Variants in CDH4 observed in about 807,000 individuals in gnomAD.
The protein encoded by CDH4 is cadherin 4.
Under a neutral mutation model 86.0 loss-of-function variants are expected in CDH4, and 33 were observed. The ratio of observed to expected loss-of-function variants is 0.38; its 90% CI spans 0.29 to 0.51. The LOEUF is 0.51. Among genes scored for constraint, CDH4 ranks in the 20% least tolerant of loss-of-function variants. The pLI is 0.86. For synonymous variants in CDH4, 555 were observed against 549.4 expected (o/e 1.01, Z -0.14); for missense variants, 1,114 against 1,307.4 (o/e 0.85, Z 2.28).
intron 2 of CDH4, among the ~76,000 whole-genome samples, chr20:61,426,044 C>A (rs1337801835): frequency 6.6e-6 from 1 of 152,214 alleles, no homozygotes; most frequent in Non-Finnish European, 1.5e-5. Flanking sequence ...TCTGGTGAGA[C>A]CACGGGGAGA....
chr20:61,370,319 AG>A (rs1176677923), intron 2 of CDH4: 1 of 152,384 alleles, frequency 6.6e-6, no homozygotes, highest in African/African-American at 2.4e-5. Flanking sequence ...CATGCCTTCA[AG>A]GAGCTCCCGG....
At chr20:61,574,495 C>A (rs923801698) in intron 2 of CDH4, among the ~76,000 whole-genome samples, 11 of 152,232 alleles carry the variant, frequency 7.2e-5, no homozygotes, top group Admixed American at 7.2e-4. Flanking sequence ...ACCCCCACCC[C>A]CCTTTCTCCT....
chr20:61,764,284 G>A (rs1568802567), intron 3 of CDH4, among the ~76,000 whole-genome samples: 3 of 152,340 alleles, frequency 2.0e-5, no homozygotes, highest in South Asian at 2.1e-4. Flanking sequence ...CGTGAACCCC[G>A]GGGCCACCGA....
rs1412415817 is a variant in CDH4, at chr20:61,641,836, G to A, written c.170-101727G>A. Among the ~76,000 whole-genome samples, 4 of 6,360 alleles carry A rather than the reference G, an allele frequency of 6.3e-4. 1 individual carries two copies. Among genetic ancestry groups the A allele is most frequent in the African/African-American group, 5.8e-3 (4 of 688 alleles). 4.2% of individuals were successfully genotyped at this position (6,360 alleles called of 152,430 possible). A position where few individuals can be genotyped will look rare whatever the true frequency, so the allele number is the denominator to read the frequency against. On this transcript the variant is annotated intron_variant, in intron 2 of 15. Transcript: ENST00000614565. ...CCACCAGGCACCACCAGGCACCACA[G>A]CACCCAGGACACCTACAGCTTTGGG...
At chr20:61,332,770 G>A (rs1451888471) in intron 2 of CDH4, among the ~76,000 whole-genome samples, 3 of 152,194 alleles carry the variant, frequency 2.0e-5, no homozygotes, top group Non-Finnish European at 2.9e-5. Flanking sequence ...TCGCTTCCTG[G>A]TGGGTGTTAC....
chr20:61,307,582 G>A (rs543648145), intron 2 of CDH4, among the ~76,000 whole-genome samples: 6 of 152,248 alleles, frequency 3.9e-5, no homozygotes, highest in African/African-American at 1.4e-4. Flanking sequence ...GCTGGACCTC[G>A]AAGAAGTCCC....
chr20:61,281,501 T>C (rs1368177469), intron 2 of CDH4, among the ~76,000 whole-genome samples: 1 of 152,200 alleles, frequency 6.6e-6, no homozygotes, highest in African/African-American at 2.4e-5. Context: ...AACCAGTGTC[T>C]GTTGTTTGTG....
chr20:61,911,121 G>A lies in CDH4; in HGVS notation c.1374+514G>A, dbSNP rs147125408. Among the ~76,000 whole-genome samples, 610 of 152,332 alleles carry A rather than the reference G, an allele frequency of 4.0e-3. 10 individuals carry two copies. Among genetic ancestry groups the A allele is most frequent in the African/African-American group, 0.014 (582 of 41,570 alleles). ...TCCCAGAGACAGGTCTTATGATGCT[G>A]TAATAATCTGTCCCCTGAATGTTTC... is the stretch of plus-strand genomic sequence containing the variant. On this transcript the variant is annotated intron_variant, in intron 9 of 15. Transcript: ENST00000614565.
At chr20:61,375,748 GTGATGA>G (rs148122137) in intron 2 of CDH4, among the ~76,000 whole-genome samples, 1 of 144,180 alleles carries the variant, frequency 6.9e-6, no homozygotes, top group Non-Finnish European at 1.5e-5. Context: ...CTTGGTGGTG[GTGATGA>G]TGGTGGTGCT....
At chr20:61,660,257 G>A (rs1292170124) in intron 2 of CDH4, among the ~76,000 whole-genome samples, 5 of 152,208 alleles carry the variant, frequency 3.3e-5, no homozygotes, top group East Asian at 1.9e-4. Context: ...GCCTTGGAGC[G>A]TGGCCCTGCT....
intron 4 of CDH4, among the ~76,000 whole-genome samples, chr20:61,785,387 G>T (rs1978821628): frequency 6.6e-6 from 1 of 152,206 alleles, no homozygotes. Flanking sequence ...AAGAATGCAG[G>T]CTGGCCCAGA....
At chr20:61,412,587 A>G (rs779536306) in intron 2 of CDH4, among the ~76,000 whole-genome samples, 1 of 152,174 alleles carries the variant, frequency 6.6e-6, no homozygotes, top group South Asian at 2.1e-4. Flanking sequence ...TTTAATTTCT[A>G]GGACATCCTG....
At chr20:61,865,477 G>A (rs567308846) in intron 6 of CDH4, among the ~76,000 whole-genome samples, 1 of 152,174 alleles carries the variant, frequency 6.6e-6, no homozygotes, top group African/African-American at 2.4e-5. Flanking sequence ...GGTTAGTGTA[G>A]ATGATACCTG....
intron 4 of CDH4, among the ~76,000 whole-genome samples, chr20:61,839,416 G>A (rs868627111): frequency 5.9e-4 from 89 of 151,102 alleles, no homozygotes; most frequent in Admixed American, 8.7e-4. Flanking sequence ...GCATGTGTGC[G>A]TGTGTGTGTG....
In CDH4 at chr20:61,653,579, C is replaced by T. The variant is rs1156587095; in HGVS notation, c.170-89984C>T. ...CCAGGCGGGGGCTGACCCCCACCTC[C>T]CTCCCGGACGGGGTGGCTGCCGGGC... On this transcript the variant is annotated intron_variant, in intron 2 of 15. Coordinates refer to ENST00000614565, the MANE Select transcript of CDH4 (RefSeq NM_001794.5). 3.4e-4 allele frequency among the ~76,000 whole-genome samples: 49 copies of T among 143,622 alleles called. 1 individual carries two copies. The highest frequency in any genetic ancestry group is 3.5e-3 in the Middle Eastern group (1 of 282). The allele number at this position is 143,622 out of a possible 152,430, so 94.2% of individuals were successfully genotyped here.
rs1187716464 is a variant in CDH4 at position 61,754,715 on chromosome 20, C to A, written c.396+10926C>A. 1.4e-5 allele frequency among the ~76,000 whole-genome samples: 2 copies of A among 147,484 alleles called. No homozygotes were observed. The highest frequency in any genetic ancestry group is 3.9e-4 in the East Asian group (2 of 5,088). On this transcript the variant is annotated intron_variant, in intron 3 of 15. Transcript: ENST00000614565. This position sits in a 1 kb window ranked among gnomAD's most constrained non-coding sequence, Gnocchi z 4.7. The stretch of plus-strand genomic sequence containing the variant: ...CACACAGTGCATGCCACACACACCG[C>A]ACACACACTGCACGCCCCGCACACA...
intron 2 of CDH4, among the ~76,000 whole-genome samples, chr20:61,724,911 G>C (rs2145917861): frequency 6.6e-6 from 1 of 152,284 alleles, no homozygotes; most frequent in Non-Finnish European, 1.5e-5. Flanking sequence ...AGAAGTTCAA[G>C]ACCAGCCTGG....
At chr20:61,504,590 C>T (rs982212947) in intron 2 of CDH4, among the ~76,000 whole-genome samples, 6 of 152,208 alleles carry the variant, frequency 3.9e-5, no homozygotes, top group African/African-American at 7.2e-5. Context: ...TTCCTCCAGG[C>T]GCAGACACGT....
intron 9 of CDH4, among the ~76,000 whole-genome samples, chr20:61,914,801 C>A (rs964412298): frequency 6.6e-6 from 1 of 152,196 alleles, no homozygotes; most frequent in African/African-American, 2.4e-5. Context: ...TGCATTTTAC[C>A]TTTTCACAGC....
Sources: allele counts gnomAD v4.1 joint callset (sites outside exome capture counted in the v4.1 genomes callset), GRCh38; gene constraint gnomAD v4.1.1; non-coding constraint Gnocchi (gnomAD v3.1); transcripts MANE v1.5; gene names NCBI Gene and HGNC (gene_info 2026-07-23, HGNC 2026-07-21).